The following NXPE2 variants were observed in gnomAD, a reference collection of about 807,000 sequenced individuals.
The protein encoded by NXPE2 is neurexophilin and PC-esterase domain family member 2, also known as NXPE family member 2.
Under a neutral mutation model 34.4 loss-of-function variants are expected in NXPE2, and 34 were observed. The ratio of observed to expected loss-of-function variants is 0.99; its 90% CI spans 0.75 to 1.31. NXPE2 has a LOEUF of 1.31. Among genes scored for constraint, NXPE2 ranks in the 40% most tolerant of loss-of-function variants. The probability of loss-of-function intolerance (pLI) is 0.00; values close to 1 mark genes in which losing one functional copy is unlikely to be tolerated. For missense variants in NXPE2, 649 were observed against 672.5 expected (o/e 0.97, Z 0.39); for synonymous variants, 235 against 231.3 (o/e 1.02, Z -0.15).
the NXPE2 span, among the ~76,000 whole-genome samples, chr11:114,753,462 A>G: frequency 6.6e-6 from 1 of 152,354 alleles, no homozygotes; most frequent in Middle Eastern, 3.4e-3. Context: ...GTGAAAGTGT[A>G]TATATAACAG....
At chr11:114,781,975 G>C in the NXPE2 span, among the ~76,000 whole-genome samples, 1 of 152,136 alleles carries the variant, frequency 6.6e-6, no homozygotes, top group Non-Finnish European at 1.5e-5. Context: ...ATGTGCAGTC[G>C]TCCCTCGGTA....
At chr11:114,532,357 T>C in the NXPE2 span, among the ~76,000 whole-genome samples, 7 of 151,852 alleles carry the variant, frequency 4.6e-5, no homozygotes, top group Non-Finnish European at 8.8e-5. Flanking sequence ...ACCTTTTGGT[T>C]CTCTGGAAAA....
At chr11:114,782,307 G>A in the NXPE2 span, among the ~76,000 whole-genome samples, 2 of 152,194 alleles carry the variant, frequency 1.3e-5, no homozygotes, top group South Asian at 2.1e-4. Flanking sequence ...GATAACCTGT[G>A]CTCTTTCTGT....
chr11:114,806,696 A>G, the NXPE2 span, among the ~76,000 whole-genome samples: 1 of 152,128 alleles, frequency 6.6e-6, no homozygotes, highest in Non-Finnish European at 1.5e-5. Context: ...CTATGTGAAA[A>G]GACCAAATCT....
chr11:114,579,492 GACCCCAA>G, the NXPE2 span, among the ~76,000 whole-genome samples: 1 of 152,178 alleles, frequency 6.6e-6, no homozygotes, highest in African/African-American at 2.4e-5. Context: ...AGATCTGTTA[GACCCCAA>G]GCCCATGCTT....
At chr11:114,495,471 G>T in the NXPE2 span, among the ~76,000 whole-genome samples, 2 of 151,434 alleles carry the variant, frequency 1.3e-5, no homozygotes, top group Non-Finnish European at 2.9e-5. Context: ...CCTCATGGCC[G>T]CCCCTACCCC....
chr11:114,790,517 G>C, the NXPE2 span, among the ~76,000 whole-genome samples: 1 of 152,080 alleles, frequency 6.6e-6, no homozygotes, highest in East Asian at 1.9e-4. Flanking sequence ...TCCCAATCAC[G>C]AGGTTTTATC....
chr11:114,796,928 G>T, the NXPE2 span, among the ~76,000 whole-genome samples: 2 of 152,340 alleles, frequency 1.3e-5, no homozygotes, highest in Admixed American at 1.3e-4. Context: ...TGGTGAGTCT[G>T]CAGGGGACTG....
At chr11:114,582,422 G>A in the NXPE2 span, 2 of 1,614,040 alleles carry the variant, frequency 1.2e-6, no homozygotes, top group Non-Finnish European at 1.7e-6. Flanking sequence ...TGTTGTCCAG[G>A]TACTGGCACA....
At chr11:114,681,318 A>G (rs1358467630) in intron 2 of NXPE2, among the ~76,000 whole-genome samples, 1 of 152,218 alleles carries the variant, frequency 6.6e-6, no homozygotes, top group Non-Finnish European at 1.5e-5. Context: ...GAAATACAGG[A>G]TATCATGTTT....
chr11:114,709,049 A>G (rs1317435795), downstream of NXPE2, among the ~76,000 whole-genome samples: 1 of 152,234 alleles, frequency 6.6e-6, no homozygotes, highest in Non-Finnish European at 1.5e-5. Context: ...CCCCTATAAA[A>G]GAGGGTCTAT....
At chr11:114,740,717 CT>C in the NXPE2 span, among the ~76,000 whole-genome samples, 1 of 152,074 alleles carries the variant, frequency 6.6e-6, no homozygotes, top group Non-Finnish European at 1.5e-5. Context: ...GTGCTATTTC[CT>C]TATCAATTTT....
chr11:114,611,408 A>G, the NXPE2 span, among the ~76,000 whole-genome samples: 2 of 151,746 alleles, frequency 1.3e-5, no homozygotes, highest in African/African-American at 2.4e-5. Flanking sequence ...TTCCCAGTGG[A>G]TAATAAGTAT....
chr11:114,631,649 G>C, the NXPE2 span, among the ~76,000 whole-genome samples: 2 of 151,612 alleles, frequency 1.3e-5, no homozygotes, highest in Non-Finnish European at 2.9e-5. Context: ...ATTGTGCACA[G>C]GTACCCTAAA....
the NXPE2 span, among the ~76,000 whole-genome samples, chr11:114,811,704 AG>A: frequency 6.6e-6 from 1 of 152,334 alleles, no homozygotes; most frequent in South Asian, 2.1e-4. Flanking sequence ...AGTATCAGCA[AG>A]GACAGGATCC....
the NXPE2 span, among the ~76,000 whole-genome samples, chr11:114,724,967 G>A: frequency 2.0e-5 from 3 of 146,496 alleles, no homozygotes; most frequent in Admixed American, 2.1e-4. Flanking sequence ...TTTAGGTAGA[G>A]TCTGGAATTT....
At chr11:114,687,232 T>A (rs1951064307) in intron 2 of NXPE2, among the ~76,000 whole-genome samples, 1 of 152,144 alleles carries the variant, frequency 6.6e-6, no homozygotes, top group Non-Finnish European at 1.5e-5. Flanking sequence ...CTTCTAGGAT[T>A]TTTATAGTTT....
the NXPE2 span, among the ~76,000 whole-genome samples, chr11:114,528,326 T>A: frequency 6.6e-6 from 1 of 152,306 alleles, no homozygotes; most frequent in African/African-American, 2.4e-5. Flanking sequence ...AGAGCACCCT[T>A]TCTCATTGCA....
the NXPE2 span, among the ~76,000 whole-genome samples, chr11:114,725,976 A>AAAATATATATATATATATATAT: frequency 1.2e-3 from 119 of 101,676 alleles, no homozygotes; most frequent in Admixed American, 1.8e-3. Flanking sequence ...ATAAAAAAAA[A>AAAATATATATATATATATATAT]ATATATATAT....
Sources: allele counts gnomAD v4.1 joint callset (sites outside exome capture counted in the v4.1 genomes callset), GRCh38; gene constraint gnomAD v4.1.1; transcripts MANE v1.5; gene names NCBI Gene and HGNC (gene_info 2026-07-23, HGNC 2026-07-21).